The following ADSS2 variants were observed in gnomAD, a reference collection of about 807,000 sequenced individuals.
ADSS2 encodes the protein adenylosuccinate synthetase isozyme 2.
In ADSS2, 30 loss-of-function variants were observed where a neutral mutation model predicts 60.0. That is an observed-to-expected ratio of 0.50 (90% confidence interval 0.37 to 0.68). The LOEUF is 0.68. Among genes scored for constraint, ADSS2 ranks in the 30% least tolerant of loss-of-function variants. The probability of loss-of-function intolerance (pLI) is 0.00; values close to 1 mark genes in which losing one functional copy is unlikely to be tolerated. For missense variants in ADSS2, 373 were observed against 554.8 expected (o/e 0.67, Z 3.29); for synonymous variants, 187 against 193.1 (o/e 0.97, Z 0.26).
chr1:244,432,660 CTTTTTT>C (rs532312490), intron 3 of ADSS2, 65 bp from the exon 4 acceptor site: 754 of 386,532 alleles, frequency 2.0e-3, no homozygotes, highest in Middle Eastern at 5.7e-3. Flanking sequence ...ATCTTAATTT[CTTTTTT>C]TTTTTTTTTT....
At chr1:244,433,190 T>C (rs1664992577) in intron 3 of ADSS2, among the ~76,000 whole-genome samples, 1 of 152,088 alleles carries the variant, frequency 6.6e-6, no homozygotes, top group African/African-American at 2.4e-5. Flanking sequence ...AAGCCAAGAT[T>C]GTGCCACTAC....
At chr1:244,413,506 T>C (rs1664462993) in intron 11 of ADSS2, among the ~76,000 whole-genome samples, 1 of 152,232 alleles carries the variant, frequency 6.6e-6, no homozygotes, top group Non-Finnish European at 1.5e-5. Flanking sequence ...GACCATTTCC[T>C]GACCACAGTT....
At chr1:244,431,904 T>C (rs1429406293) in intron 4 of ADSS2, among the ~76,000 whole-genome samples, 1 of 152,200 alleles carries the variant, frequency 6.6e-6, no homozygotes, top group Non-Finnish European at 1.5e-5. Flanking sequence ...GAGGCCAGTG[T>C]TAAAACTAGA....
intron 1 of ADSS2, among the ~76,000 whole-genome samples, chr1:244,440,965 T>A (rs1665225656): frequency 6.6e-6 from 1 of 152,222 alleles, no homozygotes; most frequent in Admixed American, 6.5e-5. Context: ...TGGTATATAT[T>A]ATTACTTCAC....
chr1:244,424,137 A>G (rs1310730323), intron 5 of ADSS2, 77 bp from the exon 6 acceptor site: 10 of 1,274,362 alleles, frequency 7.8e-6, no homozygotes, highest in Non-Finnish European at 1.1e-5. Context: ...TGCAGTGAAT[A>G]AAGTTACATA....
intron 11 of ADSS2, among the ~76,000 whole-genome samples, chr1:244,412,415 T>C (rs1232126227): frequency 1.3e-5 from 2 of 152,092 alleles, no homozygotes; most frequent in Non-Finnish European, 2.9e-5. Flanking sequence ...AGCTCTAAAA[T>C]GAGAACTAAG....
intron 4 of ADSS2, among the ~76,000 whole-genome samples, chr1:244,427,740 A>G (rs1664840909): frequency 6.6e-6 from 1 of 152,198 alleles, no homozygotes; most frequent in Admixed American, 6.5e-5. Flanking sequence ...GGTATTAACA[A>G]TCATAGCTTA....
At chr1:244,430,119 A>G (rs1206155382) in intron 4 of ADSS2, among the ~76,000 whole-genome samples, 2 of 152,052 alleles carry the variant, frequency 1.3e-5, no homozygotes, top group African/African-American at 4.8e-5. Context: ...AAAAATAATT[A>G]AAGAAATATA....
At chr1:244,431,630 G>A (rs1664946916) in intron 4 of ADSS2, among the ~76,000 whole-genome samples, 1 of 152,150 alleles carries the variant, frequency 6.6e-6, no homozygotes, top group Non-Finnish European at 1.5e-5. Flanking sequence ...ACATAAAACT[G>A]TTTTTCAGTA....
Position 244,424,021 on chromosome 1 carries a change from C to A in ADSS2, c.513G>T (p.Ser171=). Residue 171 remains serine, a synonymous_variant, in exon 6 of 13, where the codon TCG becomes TCT. Transcript: ENST00000366535. The stretch of plus-strand genomic sequence containing the variant: ...TGAGTCCACTCCGAGCAGCTTTGGA[C>A]GAATAAACTGGGCCAATGCCCTTTT... The part of the protein sequence containing the change: ...TTKKGIGPVY[S]SKAARSGLRM... 1.2e-6 allele frequency: 2 copies of A among 1,613,282 alleles called. No individual in the cohort carries two copies. Among genetic ancestry groups the A allele is most frequent in the Non-Finnish European group, 1.7e-6 (2 of 1,179,670 alleles).
At chr1:244,448,955 C>G (rs951237551) in intron 1 of ADSS2, among the ~76,000 whole-genome samples, 1 of 152,128 alleles carries the variant, frequency 6.6e-6, no homozygotes, top group Admixed American at 6.5e-5. Context: ...GATGAATGAC[C>G]TGTACCCAGG....
chr1:244,422,209 A>G (rs1049789936), intron 7 of ADSS2, among the ~76,000 whole-genome samples: 1 of 152,186 alleles, frequency 6.6e-6, no homozygotes, highest in Admixed American at 6.5e-5. Flanking sequence ...ATTGATACTT[A>G]TCTATAGATG....
intron 4 of ADSS2, among the ~76,000 whole-genome samples, chr1:244,430,315 C>T (rs1022175770): frequency 6.6e-6 from 1 of 152,078 alleles, no homozygotes; most frequent in Non-Finnish European, 1.5e-5. Flanking sequence ...AAGTGACAGA[C>T]CCAAAGCAAT....
rs1665252421 is a variant in ADSS2, at chr1:244,441,711, C to T, written c.184-3943G>A. Among the ~76,000 whole-genome samples the T allele has an allele frequency of 2.0e-5, 3 of 152,050 alleles. No individual in the cohort carries two copies. The South Asian group carries it at 6.2e-4, about 32-fold the overall frequency. ...GTGGCTCACACCTGTAATCCCAGCA[C>T]TTTGGGAGGCTGAGGCGGGTAGGTC... On this transcript the variant is annotated intron_variant, in intron 1 of 12. Transcript: ENST00000366535.
intron 7 of ADSS2, among the ~76,000 whole-genome samples, chr1:244,421,818 A>C (rs986997456): frequency 1.3e-5 from 2 of 151,778 alleles, no homozygotes; most frequent in Non-Finnish European, 2.9e-5. Flanking sequence ...ATCTCTACCA[A>C]AAAAAAACCT....
chr1:244,437,823 T>C (rs1160472893), intron 1 of ADSS2, 55 bp from the exon 2 acceptor site: 1 of 1,294,012 alleles, frequency 7.7e-7, no homozygotes, highest in Non-Finnish European at 1.1e-6. Flanking sequence ...ACAAATAACC[T>C]ATCTCCCTCC....
In ADSS2 at chr1:244,438,672, TAAC is replaced by T. The variant is rs1250952595; in HGVS notation, c.184-907_184-905del. ...ATGTATTTGCAACAAATAAAAACTT[TAAC>T]AACATCCTTCTATAACATTAAAAAA... On this transcript the variant is annotated intron_variant, in intron 1 of 12. Coordinates refer to ENST00000366535, the MANE Select transcript of ADSS2 (RefSeq NM_001126.5). 7.2e-5 allele frequency among the ~76,000 whole-genome samples: 11 copies of T among 152,218 alleles called. 1 individual carries two copies. The highest frequency in any genetic ancestry group is 4.1e-4 in the South Asian group (2 of 4,830).
At chr1:244,424,216 C>T in intron 5 of ADSS2, 105 bp downstream of exon 5, 1 of 1,270,450 alleles carries the variant, frequency 7.9e-7, no homozygotes, top group African/African-American at 1.5e-5. Flanking sequence ...TTCTCTAAAA[C>T]AGGATATTCT....
intron 10 of ADSS2, among the ~76,000 whole-genome samples, chr1:244,416,559 A>T (rs1664538469): frequency 6.6e-6 from 1 of 152,120 alleles, no homozygotes; most frequent in Non-Finnish European, 1.5e-5. Context: ...GCCTCAAGTG[A>T]TCCTCCTGCC....
Sources: gnomAD v4.1 joint callset for allele counts (sites outside exome capture counted in the v4.1 genomes callset) on GRCh38, gnomAD v4.1.1 for gene constraint, MANE v1.5 for transcripts, NCBI Gene and HGNC (gene_info 2026-07-23, HGNC 2026-07-21) for gene names.